Variants in PSG8 observed in about 807,000 individuals in gnomAD.
The protein encoded by PSG8 is pregnancy-specific beta-1-glycoprotein 8.
In PSG8, 57 loss-of-function variants were observed where a neutral mutation model predicts 42.5. That is an observed-to-expected ratio of 1.34 (90% CI 1.08 to 1.67). PSG8 has a LOEUF of 1.67. PSG8 is among the 40% of genes most tolerant of loss of function. PSG8 has a pLI of 0.00. For missense variants in PSG8, 783 were observed against 518.6 expected (o/e 1.51, Z -4.95); for synonymous variants, 280 against 196.8 (o/e 1.42, Z -3.54).
chr19:42,761,554 T>C (rs1450221329), intron 2 of PSG8, among the ~76,000 whole-genome samples: 1 of 152,170 alleles, frequency 6.6e-6, no homozygotes, highest in Admixed American at 6.5e-5. Context: ...TCCATACCTA[T>C]GACTAATGGC....
chr19:42,753,779 A>G (rs1390562692), downstream of PSG8, among the ~76,000 whole-genome samples: 1 of 152,188 alleles, frequency 6.6e-6, no homozygotes, highest in African/African-American at 2.4e-5. Context: ...AGCCTTGGTA[A>G]TATAACCAAT....
intron 2 of PSG8, among the ~76,000 whole-genome samples, chr19:42,759,920 C>G (rs975537251): frequency 1.3e-5 from 2 of 152,084 alleles, no homozygotes; most frequent in African/African-American, 4.8e-5. Context: ...ATTAGCAACT[C>G]CTTAAGTAGA....
At chr19:42,752,991 C>T (rs543274895), downstream of PSG8, 19 of 484,234 alleles carry the variant, frequency 3.9e-5, no homozygotes, top group Non-Finnish European at 5.9e-5. Context: ...TTGTTACCCT[C>T]AGAAGCTACT....
intron 3 of PSG8, among the ~76,000 whole-genome samples, chr19:42,756,399 C>T (rs561308886): frequency 8.0e-4 from 121 of 152,188 alleles, no homozygotes; most frequent in African/African-American, 2.9e-3. Context: ...GAGCTTGATG[C>T]CTATAGTTCA....
At chr19:42,760,626 T>C (rs373330897) in intron 2 of PSG8, among the ~76,000 whole-genome samples, 76 of 152,118 alleles carry the variant, frequency 5.0e-4, no homozygotes, top group African/African-American at 1.7e-3. Flanking sequence ...TCTGTCACCC[T>C]GGCTGGAGTG....
At position 42,754,301 on chromosome 19, in the gene PSG8, C is replaced by G. The variant is rs1969853672; in HGVS notation, c.1275G>C (p.Gly425=). The G allele has an allele frequency of 6.2e-6, 10 of 1,613,278 alleles. No homozygotes were observed. Among genetic ancestry groups the G allele is most frequent in the East Asian group, 4.5e-5 (2 of 44,878 alleles). Residue 425 remains glycine, a synonymous_variant, in exon 5 of 5, where the codon GGG becomes GGC. Coordinates refer to ENST00000306511, the MANE Select transcript of PSG8 (RefSeq NM_182707.3). ...AAGGCCAGATAGACTCCACCTAAAT[C>G]CCTATTGCCAAGGATACTGGGATCC... ...GKRIPVSLAI[G]I
intron 3 of PSG8, among the ~76,000 whole-genome samples, chr19:42,757,525 A>C (rs1265995528): frequency 6.6e-6 from 1 of 152,104 alleles, no homozygotes; most frequent in Admixed American, 6.5e-5. Context: ...TCTGTGAGGC[A>C]GGAGAGCTTG....
intron 2 of PSG8, among the ~76,000 whole-genome samples, chr19:42,760,979 A>G (rs930471918): frequency 6.6e-6 from 1 of 152,172 alleles, no homozygotes; most frequent in African/African-American, 2.4e-5. Flanking sequence ...TATGCCTGAC[A>G]GGAAGCCAGA....
chr19:42,758,275 T>C lies in PSG8; in HGVS notation c.436A>G (p.Thr146Ala). ...CTGCTGGAGATGGAGGGCTTGGGAGTCTCCACTGTGCAGAAAACAGAGAGA... is the reference window on the plus strand; with the variant it reads ...CTGCTGGAGATGGAGGGCTTGGGAGCCTCCACTGTGCAGAAAACAGAGAGA... ...GHFTFTLYLE[T>A]PKPSISSSKL... Residue 146 changes from threonine to alanine, a missense_variant, in exon 3 of 5, where the codon ACT becomes GCT. Thr to Ala is a moderately conservative substitution (Grantham distance 58). Coordinates refer to ENST00000306511, the MANE Select transcript of PSG8 (RefSeq NM_182707.3). The C allele has an allele frequency of 6.2e-7, 1 of 1,613,264 alleles. No individual in the cohort carries two copies. The highest frequency in any genetic ancestry group is 1.1e-5 in the South Asian group (1 of 91,008).
chr19:42,765,321 T>A (rs1439823559), intron 1 of PSG8, among the ~76,000 whole-genome samples, 197 bp downstream of exon 1: 1 of 151,950 alleles, frequency 6.6e-6, no homozygotes, highest in Non-Finnish European at 1.5e-5. Flanking sequence ...TCTGGTTAAA[T>A]TTTTGTATTT....
rs775427803 is a variant in PSG8 at position 42,754,315 on chromosome 19, A to G, written c.1261T>C (p.Ser421Pro). The G allele has an allele frequency of 1.7e-5, 28 of 1,613,548 alleles. No homozygotes were observed. Among genetic ancestry groups the G allele is most frequent in the Non-Finnish European group, 2.4e-5 (28 of 1,179,778 alleles). The change falls in exon 5 of 5, where the codon TCC (serine) becomes CCC (proline). Residue 421 changes from serine to proline, a missense_variant. Transcript: ENST00000306511. The part of the protein sequence containing the change: ...VKVSGKRIPV[S>P]LAIGI ...TCCACCTAAATCCCTATTGCCAAGG[A>G]TACTGGGATCCGCTTACCAGAGACT...
chr19:42,754,871 G>A (rs552724377), intron 4 of PSG8, 117 bp downstream of exon 4: 11 of 1,547,454 alleles, frequency 7.1e-6, no homozygotes, highest in East Asian at 4.5e-5. Context: ...TGGCCAGCTC[G>A]GATGTCCAGA....
At position 42,764,154 on chromosome 19, in the gene PSG8, G is replaced by C. The variant is rs1188574591; in HGVS notation, c.192C>G (p.Gly64=). The change falls in exon 2 of 5, where the codon GGC becomes GGG. Residue 64 remains glycine, a synonymous_variant. Transcript: ENST00000306511. ...LVHNLPQNLT[G]YIWYKGQIRD... The stretch of plus-strand genomic sequence containing the variant: ...TGATTTGCCCTTTGTACCAGATGTA[G>C]CCAGTAAGATTCTGGGGCAAATTGT... 6.2e-7 allele frequency: 1 copy of C among 1,613,782 alleles called. No individual in the cohort carries two copies. Among genetic ancestry groups the C allele is most frequent in the Admixed American group, 1.7e-5 (1 of 59,984 alleles).
intron 3 of PSG8, among the ~76,000 whole-genome samples, chr19:42,757,339 T>C (rs556424742): frequency 6.6e-6 from 1 of 152,068 alleles, no homozygotes; most frequent in African/African-American, 2.4e-5. Flanking sequence ...GGGATCCACT[T>C]ACCAGGGACT....
At chr19:42,763,814 C>T in intron 2 of PSG8, 102 bp downstream of exon 2, 1 of 1,590,214 alleles carries the variant, frequency 6.3e-7, no homozygotes, top group South Asian at 1.1e-5. Context: ...GGACATAATG[C>T]AGAGAGGGAC....
downstream of PSG8, chr19:42,753,119 G>T (rs905619354): frequency 7.3e-5 from 47 of 642,376 alleles, no homozygotes; most frequent in African/African-American, 5.0e-4. Flanking sequence ...TGACATCTTG[G>T]GAAAAACTGT....
chr19:42,755,549 T>C (rs565619635), intron 3 of PSG8: 52 of 610,430 alleles, frequency 8.5e-5, no homozygotes, highest in Admixed American at 6.3e-4. Flanking sequence ...GCCCCTGGTA[T>C]CCCTCCCAGT....
intron 3 of PSG8, chr19:42,755,643 C>A (rs148817316): frequency 9.2e-6 from 3 of 325,834 alleles, no homozygotes; most frequent in African/African-American, 2.1e-5. Context: ...CAAATTCCAT[C>A]CTACATTGTC....
chr19:42,764,521 C>A (rs1460157276), intron 1 of PSG8, among the ~76,000 whole-genome samples: 1 of 151,978 alleles, frequency 6.6e-6, no homozygotes, highest in Non-Finnish European at 1.5e-5. Context: ...TCCTTCAACA[C>A]TTCTGACCTT....
Sources: allele counts gnomAD v4.1 joint callset (sites outside exome capture counted in the v4.1 genomes callset), GRCh38; gene constraint gnomAD v4.1.1; transcripts MANE v1.5; gene names NCBI Gene and HGNC (gene_info 2026-07-23, HGNC 2026-07-21).